Variants in TENM3 observed in about 807,000 individuals in gnomAD.
The protein encoded by TENM3 is teneurin-3.
A neutral mutation model predicts 255.1 loss-of-function variants in TENM3; 63 were observed. The observed-to-expected ratio is 0.25, with a 90% CI of 0.20 to 0.30. The LOEUF is 0.30. TENM3 is among the 10% of genes least tolerant of loss of function. The pLI, the probability that TENM3 is intolerant of heterozygous loss-of-function variation, is 1.00. For synonymous variants in TENM3, 1,306 were observed against 1,322.3 expected (o/e 0.99, Z 0.27); for missense variants, 2,929 against 3,461.1 (o/e 0.85, Z 3.86).
chr4:182,247,996 C>G (rs1474991636), intron 1 of TENM3, among the ~76,000 whole-genome samples: 1 of 152,140 alleles, frequency 6.6e-6, no homozygotes, highest in Non-Finnish European at 1.5e-5. Flanking sequence ...TATTATTTAA[C>G]TTTATTTAAT....
the TENM3 span, among the ~76,000 whole-genome samples, chr4:181,464,396 C>T: frequency 1.1e-4 from 16 of 152,112 alleles, no homozygotes; most frequent in Admixed American, 3.9e-4. Flanking sequence ...TACCTAATGA[C>T]GACTGGTGTT....
the TENM3 span, among the ~76,000 whole-genome samples, chr4:182,129,617 T>G: frequency 6.6e-6 from 1 of 151,960 alleles, no homozygotes; most frequent in South Asian, 2.1e-4. Flanking sequence ...AATCAAAGAG[T>G]GGATTCCACA....
At chr4:182,370,933 T>C (rs1766763485) in intron 3 of TENM3, among the ~76,000 whole-genome samples, 1 of 152,180 alleles carries the variant, frequency 6.6e-6, no homozygotes, top group South Asian at 2.1e-4. Flanking sequence ...CTAGGTATCA[T>C]GGTTTTTCTG....
chr4:181,905,772 A>G, the TENM3 span: 5 of 307,200 alleles, frequency 1.6e-5, no homozygotes, highest in Non-Finnish European at 2.5e-5. Flanking sequence ...TAGCATTGAC[A>G]AGTCAACTTG....
chr4:181,607,788 A>T, the TENM3 span, among the ~76,000 whole-genome samples: 732 of 152,316 alleles, frequency 4.8e-3, 10 homozygotes, highest in African/African-American at 0.017. Context: ...GTTTATTCTC[A>T]CATCAAAACT....
the TENM3 span, among the ~76,000 whole-genome samples, chr4:182,078,444 C>T: frequency 6.6e-6 from 1 of 152,110 alleles, no homozygotes; most frequent in African/African-American, 2.4e-5. Flanking sequence ...ATCGCTTGAA[C>T]CTGGGAGGTG....
the TENM3 span, among the ~76,000 whole-genome samples, chr4:181,873,767 TGTGG>T: frequency 8.4e-6 from 1 of 119,190 alleles, no homozygotes; most frequent in Non-Finnish European, 1.9e-5. Context: ...TGTGTGTGTG[TGTGG>T]TTTTTTGTTT....
chr4:182,161,764 TATGTGTATATATATATACACAA>T lies in TENM3; in HGVS notation c.-76+17013_-76+17034del, dbSNP rs1316779192. Among the ~76,000 whole-genome samples the T allele has an allele frequency of 3.2e-3, 162 of 50,016 alleles. 51 individuals carry two copies. Among genetic ancestry groups the T allele is most frequent in the Non-Finnish European group, 4.6e-3 (121 of 26,580 alleles). 32.8% of individuals were successfully genotyped at this position (50,016 alleles called of 152,430 possible). A position where few individuals can be genotyped will look rare whatever the true frequency, so the allele number is the denominator to read the frequency against. On this transcript the variant is annotated intron_variant, in intron 1 of 2. Coordinates refer to the TENM3 transcript ENST00000512480. The stretch of plus-strand genomic sequence containing the variant: ...ATATATGTGTATATATATACATATA[TATGTGTATATATATATACACAA>T]ATATATGTATATATATACACATATA...
At chr4:182,076,361 G>A in the TENM3 span, among the ~76,000 whole-genome samples, 287 of 151,830 alleles carry the variant, frequency 1.9e-3, 1 homozygote, top group African/African-American at 6.5e-3. Flanking sequence ...CCACCACCAC[G>A]CCCAGCTTAT....
chr4:182,254,333 CTT>C (rs36054102), intron 1 of TENM3, among the ~76,000 whole-genome samples: 1 of 146,332 alleles, frequency 6.8e-6, no homozygotes. Flanking sequence ...TTCTCTCTCT[CTT>C]TTTTTTTTTG....
At chr4:181,737,771 G>A in the TENM3 span, among the ~76,000 whole-genome samples, 6 of 151,814 alleles carry the variant, frequency 4.0e-5, no homozygotes, top group South Asian at 4.2e-4. Flanking sequence ...AGTATGATAT[G>A]CCCAAGCGGT....
chr4:182,420,741 T>C (rs543135424), intron 3 of TENM3, among the ~76,000 whole-genome samples: 1 of 152,308 alleles, frequency 6.6e-6, no homozygotes, highest in South Asian at 2.1e-4. Flanking sequence ...CACCAAACTA[T>C]AGGTATGTCA....
chr4:181,918,268 AT>A, the TENM3 span, among the ~76,000 whole-genome samples: 1 of 152,234 alleles, frequency 6.6e-6, no homozygotes, highest in Non-Finnish European at 1.5e-5. Context: ...ATAATAAAAG[AT>A]AATAAATATT....
At chr4:181,890,278 G>C in the TENM3 span, among the ~76,000 whole-genome samples, 7 of 152,240 alleles carry the variant, frequency 4.6e-5, no homozygotes, top group Non-Finnish European at 7.4e-5. Flanking sequence ...TCAGCCCAAG[G>C]GGTGCATGCT....
At chr4:181,874,849 G>T in the TENM3 span, among the ~76,000 whole-genome samples, 1 of 152,220 alleles carries the variant, frequency 6.6e-6, no homozygotes, top group South Asian at 2.1e-4. Flanking sequence ...CATGCAATCT[G>T]GAAACTGCCA....
intron 1 of TENM3, among the ~76,000 whole-genome samples, chr4:182,234,748 G>GA (rs947919165): frequency 2.6e-4 from 39 of 150,542 alleles, no homozygotes; most frequent in East Asian, 1.9e-4. Context: ...AAAGAAAGAA[G>GA]AAAAAAAAAT....
At chr4:181,783,314 G>A in the TENM3 span, among the ~76,000 whole-genome samples, 3 of 152,090 alleles carry the variant, frequency 2.0e-5, no homozygotes, top group African/African-American at 7.2e-5. Context: ...CCTGTATTGG[G>A]TGTATATATA....
chr4:182,343,517 A>G (rs376335596), intron 2 of TENM3, among the ~76,000 whole-genome samples: 41 of 152,318 alleles, frequency 2.7e-4, no homozygotes, highest in African/African-American at 9.1e-4. Context: ...CTGACTTTAC[A>G]TAGGATTGTC....
At chr4:182,607,622 G>T (rs1748560524) in intron 4 of TENM3, among the ~76,000 whole-genome samples, 1 of 152,080 alleles carries the variant, frequency 6.6e-6, no homozygotes, top group African/African-American at 2.4e-5. Flanking sequence ...AGAGTCTTTT[G>T]TGCATGATAA....
Sources: gnomAD v4.1 joint callset for allele counts (sites outside exome capture counted in the v4.1 genomes callset) on GRCh38, gnomAD v4.1.1 for gene constraint, MANE v1.5 for transcripts, NCBI Gene and HGNC (gene_info 2026-07-23, HGNC 2026-07-21) for gene names.